Variants in CRISPLD1 observed in about 807,000 individuals in gnomAD.
CRISPLD1 encodes the protein cysteine rich secretory protein LCCL domain containing 1.
Under a neutral mutation model 77.5 loss-of-function variants are expected in CRISPLD1, and 60 were observed. The observed-to-expected ratio is 0.77, with a 90% CI of 0.63 to 0.96. The LOEUF is 0.96. CRISPLD1 is among the 40% of genes least tolerant of loss of function. The pLI is 0.00. For synonymous variants in CRISPLD1, 195 were observed against 200.1 expected, an observed-to-expected ratio of 0.97 and a Z score of 0.22; for missense variants, 623 against 615.8, an observed-to-expected ratio of 1.01 and a Z score of -0.12.
intron 2 of CRISPLD1, among the ~76,000 whole-genome samples, chr8:75,011,437 C>A (rs1470249070): frequency 6.6e-6 from 1 of 151,810 alleles, no homozygotes; most frequent in Non-Finnish European, 1.5e-5. Context: ...GGTTCCATTC[C>A]CAGATTTGTT....
chr8:74,997,231 G>A (rs1202841848), intron 2 of CRISPLD1, among the ~76,000 whole-genome samples: 1 of 152,110 alleles, frequency 6.6e-6, no homozygotes, highest in Non-Finnish European at 1.5e-5. Flanking sequence ...AGAGATGGTG[G>A]TTACTTGGAT....
chr8:74,994,606 T>TA (rs771711395), intron 2 of CRISPLD1, among the ~76,000 whole-genome samples: 9 of 152,228 alleles, frequency 5.9e-5, no homozygotes, highest in African/African-American at 1.7e-4. Flanking sequence ...CTGGGATAGA[T>TA]ACGCCTGCTG....
rs1468993880 is a variant in CRISPLD1, at chr8:75,029,462, G to A, written c.1396G>A (p.Val466Met). The stretch of plus-strand genomic sequence containing the variant: ...CGGTGGTTATGTTGATGTAATGCCT[G>A]TGGACAAAAGAAAGACCTACATTGC... ...NHGGYVDVMP[V>M]DKRKTYIASF... Residue 466 changes from valine to methionine, a missense_variant, in exon 14 of 15, where the codon GTG becomes ATG. By Grantham distance (21) the Val-to-Met change is conservative (BLOSUM62 1). Transcript: ENST00000262207. The A allele has an allele frequency of 1.9e-6, 3 of 1,613,724 alleles. No homozygotes were observed. The highest frequency in any genetic ancestry group is 2.7e-5 in the African/African-American group (2 of 74,900).
At chr8:74,990,438 A>G (rs923208842) in intron 2 of CRISPLD1, among the ~76,000 whole-genome samples, 1 of 152,226 alleles carries the variant, frequency 6.6e-6, no homozygotes, top group East Asian at 1.9e-4. Flanking sequence ...TTTCCCACAC[A>G]TCTCTGAAAA....
Position 75,025,528 on chromosome 8 carries a change from ATATAT to A in CRISPLD1, c.1245-14_1245-10del, listed in dbSNP as rs769096345. Reference sequence around the variant, plus strand: ...AACCAGCTTACTTAATATATATATAATATATTATTTTTTTCAGAGTATACTGTCCT... The same window carrying A: ...AACCAGCTTACTTAATATATATATAATATTTTTTTCAGAGTATACTGTCCT... On this transcript the variant is annotated splice_polypyrimidine_tract_variant and intron_variant, in intron 12 of 14. Transcript: ENST00000262207. 2.4e-6 allele frequency: 3 copies of A among 1,226,772 alleles called. No homozygotes were observed. Among genetic ancestry groups the A allele is most frequent in the Non-Finnish European group, 3.4e-6 (3 of 870,864 alleles). 76.0% of individuals were successfully genotyped at this position (1,226,772 alleles called of 1,614,324 possible).
chr8:75,021,756 G>A (rs1037487809), intron 12 of CRISPLD1, among the ~76,000 whole-genome samples: 3 of 151,920 alleles, frequency 2.0e-5, no homozygotes, highest in African/African-American at 7.3e-5. Flanking sequence ...CAGTTTTATA[G>A]AAAAAAGTAA....
At chr8:74,989,757 T>C (rs1018337887) in intron 2 of CRISPLD1, among the ~76,000 whole-genome samples, 2 of 152,176 alleles carry the variant, frequency 1.3e-5, no homozygotes, top group Non-Finnish European at 2.9e-5. Context: ...TAAGCACCAT[T>C]GGTCTATTTT....
Position 75,017,050 on chromosome 8 carries a change from C to G in CRISPLD1, c.933C>G (p.Tyr311Ter). Residue 311 changes from tyrosine to a stop codon, truncating the protein, a stop_gained, in exon 9 of 15, where the codon TAC becomes TAG. Coordinates refer to ENST00000262207, the MANE Select transcript of CRISPLD1 (RefSeq NM_031461.6). LOFTEE classifies it high-confidence loss of function. ...GTGCCCAATTACTTTTATTTAGGTA[C>G]GAATGTCCTGCTGGCTGTTTGGATA... The part of the protein sequence containing the change: ...DQCKGTTCNR[Y>*]ECPAGCLDSK... The G allele has an allele frequency of 6.2e-7, 1 of 1,611,414 alleles. No homozygotes were observed. Among genetic ancestry groups the G allele is most frequent in the Non-Finnish European group, 8.5e-7 (1 of 1,178,528 alleles).
intron 10 of CRISPLD1, among the ~76,000 whole-genome samples, chr8:75,018,799 C>T (rs1306198164): frequency 2.6e-5 from 4 of 151,994 alleles, no homozygotes; most frequent in South Asian, 2.1e-4. Context: ...ATCAGGTTGG[C>T]GAGGCTGGTC....
intron 12 of CRISPLD1, among the ~76,000 whole-genome samples, chr8:75,021,020 C>T (rs1341852623): frequency 6.6e-6 from 1 of 152,162 alleles, no homozygotes; most frequent in Non-Finnish European, 1.5e-5. Context: ...TAGTTCTACA[C>T]ACACTATTTC....
At position 75,016,627 on chromosome 8, in the gene CRISPLD1, T is replaced by C. The variant is rs1813033189; in HGVS notation, c.790T>C (p.Ser264Pro). ...EETNEIERQQSQVHDTHVRTR... is the reference protein window; with the variant it reads ...EETNEIERQQPQVHDTHVRTR... ...AACAAATGAAATAGAACGACAGCAG[T>C]CACAAGTCCATGACACCCATGTCCG... Residue 264 changes from serine to proline, a missense_variant, in exon 7 of 15, where the codon TCA becomes CCA. Physicochemically the swap from Ser to Pro is moderately conservative, Grantham distance 74. Transcript: ENST00000262207. 2 of 1,613,350 alleles carry C rather than the reference T, an allele frequency of 1.2e-6. No homozygotes were observed. Among genetic ancestry groups the C allele is most frequent in the South Asian group, 1.1e-5 (1 of 91,032 alleles).
chr8:75,026,551 A>C (rs1393933796), intron 13 of CRISPLD1: 1 of 152,234 alleles, frequency 6.6e-6, no homozygotes, highest in Non-Finnish European at 1.5e-5. Flanking sequence ...AGAGAGAGGA[A>C]TCCAGCTCAC....
At position 75,017,101 on chromosome 8, in the gene CRISPLD1, A is replaced by T. The variant is rs1336918437; in HGVS notation, c.984A>T (p.Val328=). 1.2e-6 allele frequency: 2 copies of T among 1,610,918 alleles called. No homozygotes were observed. The highest frequency in any genetic ancestry group is 1.1e-5 in the South Asian group (1 of 90,918). ...LDSKAKVIGS[V]HYEMQSSICR... ...GTAAAGCTAAAGTTATTGGCAGTGT[A>T]CATTATGAAATGGTAAGTGTTATAA... is the stretch of plus-strand genomic sequence containing the variant. The change falls in exon 9 of 15, where the codon GTA becomes GTT. Residue 328 remains valine (V), a synonymous_variant. Transcript: ENST00000262207.
intron 14 of CRISPLD1, among the ~76,000 whole-genome samples, chr8:75,031,595 GTA>G (rs1813348746): frequency 6.6e-6 from 1 of 151,148 alleles, no homozygotes; most frequent in Non-Finnish European, 1.5e-5. Flanking sequence ...GTGTGTGTGT[GTA>G]TTTTTTCATT....
At chr8:74,992,649 G>A (rs1283650214) in intron 2 of CRISPLD1, among the ~76,000 whole-genome samples, 1 of 152,118 alleles carries the variant, frequency 6.6e-6, no homozygotes, top group Non-Finnish European at 1.5e-5. Flanking sequence ...ACCCTCTACT[G>A]GGGGGTTGAT....
At chr8:75,000,105 G>A in intron 2 of CRISPLD1, 1 of 982,344 alleles carries the variant, frequency 1.0e-6, no homozygotes, top group South Asian at 4.7e-5. Context: ...ACTGTTTCTG[G>A]AATGTCCCCT....
At position 74,984,809 on chromosome 8, in the gene CRISPLD1, C is replaced by A. The variant is rs1812471048; in HGVS notation, c.-174C>A. 6.6e-6 allele frequency: 1 copy of A among 152,282 alleles called. No homozygotes were observed. The highest frequency in any genetic ancestry group is 2.4e-5 in the African/African-American group (1 of 41,468). 9.4% of individuals were successfully genotyped at this position (152,282 alleles called of 1,614,324 possible). A position where few individuals can be genotyped will look rare whatever the true frequency, so the allele number is the denominator to read the frequency against. On this transcript the variant is annotated 5_prime_UTR_variant, in exon 1 of 15. Coordinates refer to ENST00000262207, the MANE Select transcript of CRISPLD1 (RefSeq NM_031461.6). ...CGCCCCCGGACGCTCGGTGCTCAGG[C>A]CCTTCGCGAGCGGGGCTCTCCGTCT... is the stretch of plus-strand genomic sequence containing the variant.
At chr8:75,018,247 G>T (rs1196396500) in intron 10 of CRISPLD1, among the ~76,000 whole-genome samples, 1 of 151,858 alleles carries the variant, frequency 6.6e-6, no homozygotes, top group Non-Finnish European at 1.5e-5. Context: ...TTTGTGGAAT[G>T]ATCTCCTATA....
At chr8:75,030,147 A>G (rs1237869964) in intron 14 of CRISPLD1, among the ~76,000 whole-genome samples, 2 of 152,192 alleles carry the variant, frequency 1.3e-5, no homozygotes, top group Non-Finnish European at 2.9e-5. Context: ...TAAAAGTAAT[A>G]TTAAAAGTCC....
Sources: allele counts gnomAD v4.1 joint callset (sites outside exome capture counted in the v4.1 genomes callset), GRCh38; gene constraint gnomAD v4.1.1; transcripts MANE v1.5; gene names NCBI Gene and HGNC (gene_info 2026-07-23, HGNC 2026-07-21).